IL1RAPL2: variants seen among roughly 807,000 people sequenced by gnomAD.
The protein encoded by IL1RAPL2 is X-linked interleukin-1 receptor accessory protein-like 2.
A neutral mutation model predicts 44.1 loss-of-function variants in IL1RAPL2; 3 were observed. That is an observed-to-expected ratio of 0.07 (90% confidence interval 0.03 to 0.18). The LOEUF (loss-of-function observed/expected upper bound fraction) is 0.18. Ranked by LOEUF, IL1RAPL2 falls within the 10% of genes least tolerant of loss-of-function variation. IL1RAPL2 has a pLI of 1.00. For synonymous variants in IL1RAPL2, 181 were observed against 178.8 expected, an observed-to-expected ratio of 1.01 and a Z score of -0.10; for missense variants, 391 against 496.4, an observed-to-expected ratio of 0.79 and a Z score of 2.02.
At chrX:105,128,292 CT>C (rs1305010709) in intron 2 of IL1RAPL2, among the ~76,000 whole-genome samples, 5 of 110,548 alleles carry the variant, frequency 4.5e-5, no homozygotes, top group African/African-American at 9.8e-5. Context: ...TGTGTTATGA[CT>C]TTTTTCATTC....
At position 105,239,543 on chromosome X, in the gene IL1RAPL2, C is replaced by T. The variant is rs782484492; in HGVS notation, c.543+5539C>T. ...CCTACATTGGGCCTTCATTTTTCAT[C>T]TATCAAGGCATACGGTTATCCATGT... On this transcript the variant is annotated intron_variant, in intron 4 of 10. Transcript: ENST00000372582. 4.5e-5 allele frequency among the ~76,000 whole-genome samples: 4 copies of T among 89,388 alleles called. No homozygotes were observed. In the South Asian group the frequency reaches 1.9e-3, roughly 42 times the overall value. 77.6% of individuals were successfully genotyped at this position (89,388 alleles called of 115,157 possible).
At chrX:105,324,984 A>G (rs1174583991) in intron 5 of IL1RAPL2, among the ~76,000 whole-genome samples, 3 of 111,987 alleles carry the variant, frequency 2.7e-5, no homozygotes, top group Non-Finnish European at 5.6e-5. Context: ...TCTGAGTTTC[A>G]TATCCCTATA....
chrX:105,409,320 CTA>C (rs753226933), intron 5 of IL1RAPL2, among the ~76,000 whole-genome samples: 26 of 111,336 alleles, frequency 2.3e-4, no homozygotes, highest in Admixed American at 7.6e-4. Context: ...ATGAAAAATG[CTA>C]TAGGTTAGGT....
chrX:104,719,199 C>CT, intron 2 of IL1RAPL2, among the ~76,000 whole-genome samples: 1 of 112,088 alleles, frequency 8.9e-6, no homozygotes. Flanking sequence ...CATTTTGTAT[C>CT]TAATTATATG....
chrX:105,153,785 G>A (rs1216177003), intron 2 of IL1RAPL2, among the ~76,000 whole-genome samples: 1 of 111,595 alleles, frequency 9.0e-6, no homozygotes, highest in East Asian at 2.8e-4. Flanking sequence ...CTGAAGAGTT[G>A]AAGTCAGCTC....
chrX:104,703,379 T>C (rs916898837), intron 2 of IL1RAPL2, among the ~76,000 whole-genome samples: 7 of 112,022 alleles, frequency 6.2e-5, no homozygotes, highest in African/African-American at 2.3e-4. Flanking sequence ...GGTCCTGTGC[T>C]CACAGCTCTT....
At chrX:104,849,668 A>T (rs1199683992) in intron 2 of IL1RAPL2, among the ~76,000 whole-genome samples, 2 of 110,428 alleles carry the variant, frequency 1.8e-5, no homozygotes, top group African/African-American at 6.6e-5. Context: ...ACCTCAAATC[A>T]TCTAGTAGAG....
chrX:105,507,191 T>A (rs1475945978), intron 6 of IL1RAPL2, among the ~76,000 whole-genome samples: 1 of 111,930 alleles, frequency 8.9e-6, no homozygotes, highest in Non-Finnish European at 1.9e-5. Flanking sequence ...ATGTTATTCT[T>A]ACTCTGTCAA....
At chrX:104,809,666 C>A (rs1249604147) in intron 2 of IL1RAPL2, among the ~76,000 whole-genome samples, 2 of 109,565 alleles carry the variant, frequency 1.8e-5, no homozygotes, top group Non-Finnish European at 3.8e-5. Flanking sequence ...AATTTTCTCC[C>A]ATTTTGTAGG....
At chrX:104,611,006 T>G (rs1353771631) in intron 1 of IL1RAPL2, among the ~76,000 whole-genome samples, 2 of 111,587 alleles carry the variant, frequency 1.8e-5, no homozygotes, top group Non-Finnish European at 3.8e-5. Context: ...CAGCAAATAT[T>G]GCTGCCTGAT....
At chrX:104,642,086 C>G (rs759366367) in intron 1 of IL1RAPL2, among the ~76,000 whole-genome samples, 2 of 111,311 alleles carry the variant, frequency 1.8e-5, no homozygotes, top group African/African-American at 6.5e-5. Context: ...CTGGAAGTCT[C>G]TCATTTACCC....
intron 2 of IL1RAPL2, among the ~76,000 whole-genome samples, chrX:104,666,159 A>G (rs993593298): frequency 9.0e-6 from 1 of 110,653 alleles, no homozygotes; most frequent in Non-Finnish European, 1.9e-5. Context: ...CAGCAAAACA[A>G]TCCATACAGT....
intron 6 of IL1RAPL2, among the ~76,000 whole-genome samples, chrX:105,535,713 G>T (rs376799214): frequency 9.0e-6 from 1 of 111,440 alleles, no homozygotes; most frequent in Non-Finnish European, 1.9e-5. Context: ...CATTTCCACG[G>T]CATTCTCAAA....
intron 2 of IL1RAPL2, among the ~76,000 whole-genome samples, chrX:105,022,723 G>A (rs775904794): frequency 3.6e-4 from 40 of 110,794 alleles, no homozygotes; most frequent in Middle Eastern, 4.6e-3. Flanking sequence ...GCTCCTTTGG[G>A]GCCTCTGGAA....
chrX:105,477,820 T>A (rs781748303), intron 5 of IL1RAPL2, among the ~76,000 whole-genome samples: 1 of 112,137 alleles, frequency 8.9e-6, no homozygotes, highest in South Asian at 3.7e-4. Context: ...TATTGCTCTC[T>A]TTTGGAATTA....
At chrX:104,678,597 G>T (rs1209363424) in intron 2 of IL1RAPL2, among the ~76,000 whole-genome samples, 1 of 111,983 alleles carries the variant, frequency 8.9e-6, no homozygotes, top group Non-Finnish European at 1.9e-5. Flanking sequence ...GTAGATCCTA[G>T]ACTTCTTTTA....
intron 2 of IL1RAPL2, among the ~76,000 whole-genome samples, chrX:104,764,196 G>A (rs942496525): frequency 1.2e-5 from 1 of 85,157 alleles, no homozygotes; most frequent in African/African-American, 3.7e-5. Flanking sequence ...CTATGAACAT[G>A]GAATTTTTTT....
At chrX:105,010,301 G>T (rs2031026828) in intron 2 of IL1RAPL2, among the ~76,000 whole-genome samples, 1 of 110,905 alleles carries the variant, frequency 9.0e-6, no homozygotes, top group South Asian at 3.7e-4. Flanking sequence ...GTGGTGCAAG[G>T]GTTTCACTCT....
At chrX:105,221,411 C>CAAAAAAA (rs782121555) in intron 3 of IL1RAPL2, among the ~76,000 whole-genome samples, 1 of 62,938 alleles carries the variant, frequency 1.6e-5, no homozygotes. Flanking sequence ...AAACAACAAC[C>CAAAAAAA]AAAAAAAAAA....
Sources: allele counts gnomAD v4.1 joint callset (sites outside exome capture counted in the v4.1 genomes callset), GRCh38; gene constraint gnomAD v4.1.1; transcripts MANE v1.5; gene names NCBI Gene and HGNC (gene_info 2026-07-23, HGNC 2026-07-21).